The following RNF216 variants were observed in gnomAD, a reference collection of about 807,000 sequenced individuals.
RNF216 encodes the protein E3 ubiquitin-protein ligase RNF216.
Under a neutral mutation model 110.8 loss-of-function variants are expected in RNF216, and 72 were observed. That is an observed-to-expected ratio of 0.65 (90% confidence interval 0.54 to 0.79). The LOEUF is 0.79. Ranked by LOEUF, RNF216 falls within the 30% of genes least tolerant of loss-of-function variation. The pLI, the probability that RNF216 is intolerant of heterozygous loss-of-function variation, is 0.00. For synonymous variants in RNF216, 495 were observed against 407.5 expected, an observed-to-expected ratio of 1.21 and a Z score of -2.59; for missense variants, 1,342 against 1,141.2, an observed-to-expected ratio of 1.18 and a Z score of -2.54.
chr7:5,716,739 T>C lies in RNF216; in HGVS notation c.1672A>G (p.Met558Val). 1 of 1,606,936 alleles carries C rather than the reference T, an allele frequency of 6.2e-7. No individual in the cohort carries two copies. Among genetic ancestry groups the C allele is most frequent in the Non-Finnish European group, 8.5e-7 (1 of 1,176,222 alleles). ...ACCTTTTGATACTGTTCTTCATTCA[T>C]CTGTAGGGCAAGCAAAAAGTCTTCA... ...EHEDFLLALQMNEEQYQKDGQ... is the reference protein window; with the variant it reads ...EHEDFLLALQVNEEQYQKDGQ... The change falls in exon 10 of 17, where the codon ATG (methionine) becomes GTG (valine). Residue 558 changes from methionine to valine, a missense_variant. Transcript: ENST00000389902.
intron 13 of RNF216, among the ~76,000 whole-genome samples, chr7:5,664,690 G>C (rs758013906): frequency 6.6e-6 from 1 of 152,184 alleles, no homozygotes; most frequent in East Asian, 1.9e-4. Context: ...GCCGCCCAAG[G>C]GTAGGCTGCA....
In RNF216 at chr7:5,715,176, A is replaced by C. The variant is rs1209685930; in HGVS notation, c.1710T>G (p.Ile570Met). The C allele has an allele frequency of 1.4e-5, 23 of 1,613,242 alleles. No homozygotes were observed. Among genetic ancestry groups the C allele is most frequent in the Non-Finnish European group, 1.9e-5 (23 of 1,179,878 alleles). The change falls in exon 11 of 17, where the codon ATT becomes ATG. Residue 570 changes from isoleucine to methionine, a missense_variant. Physicochemically the swap from Ile to Met is conservative, Grantham distance 10. Coordinates refer to ENST00000389902, the MANE Select transcript of RNF216 (RefSeq NM_207111.4). Reference sequence around the variant, plus strand: ...ATTCCCCATAGCAGCAGCGACACTCAATCAGCTGGCCATCCTGCAGGCAGT... The same window carrying C: ...ATTCCCCATAGCAGCAGCGACACTCCATCAGCTGGCCATCCTGCAGGCAGT... ...EEQYQKDGQLIECRCCYGEFP... is the reference protein window; with the variant it reads ...EEQYQKDGQLMECRCCYGEFP...
chr7:5,764,518 T>C (rs1334467202), intron 1 of RNF216, among the ~76,000 whole-genome samples: 1 of 151,690 alleles, frequency 6.6e-6, no homozygotes, highest in Non-Finnish European at 1.5e-5. Flanking sequence ...TGTGGTGGCA[T>C]GCACCTGTAA....
chr7:5,759,110 G>A (rs1193493920), intron 2 of RNF216, among the ~76,000 whole-genome samples: 2 of 152,078 alleles, frequency 1.3e-5, no homozygotes, highest in African/African-American at 2.4e-5. Flanking sequence ...AAAAGTGTGT[G>A]GCACCTCTTC....
At chr7:5,687,284 T>A (rs1337029680) in intron 13 of RNF216, among the ~76,000 whole-genome samples, 1 of 149,506 alleles carries the variant, frequency 6.7e-6, no homozygotes, top group East Asian at 2.0e-4. Context: ...TAATCTCAGC[T>A]ACTTGGGAGG....
rs1274456706 is a variant in RNF216 at position 5,652,551 on chromosome 7, T to G, written c.2062-41A>C. Reference sequence around the variant, plus strand: ...AGACACAAAGACAACTCCTGGTGAGTGGACACCACAGAAGTTCCTGTTCAA... The same window carrying G: ...AGACACAAAGACAACTCCTGGTGAGGGGACACCACAGAAGTTCCTGTTCAA... On this transcript the variant is annotated intron_variant, in intron 13 of 16. Coordinates refer to ENST00000389902, the MANE Select transcript of RNF216 (RefSeq NM_207111.4). 3 of 1,330,080 alleles carry G rather than the reference T, an allele frequency of 2.3e-6. No homozygotes were observed. In the Admixed American group the frequency reaches 5.1e-5, roughly 22 times the overall value. The allele number at this position is 1,330,080 out of a possible 1,614,324, so 82.4% of individuals were successfully genotyped here. A position where few individuals can be genotyped will look rare whatever the true frequency, so the allele number is the denominator to read the frequency against.
At chr7:5,721,521 T>C (rs1990836) in intron 8 of RNF216, among the ~76,000 whole-genome samples, 125,093 of 152,238 alleles carry the variant, frequency 0.82, 53,262 homozygotes, top group Non-Finnish European at 0.92. Context: ...GCGCTGCTTA[T>C]AGCCATTTGT....
chr7:5,663,390 C>T (rs1789278735), intron 13 of RNF216, among the ~76,000 whole-genome samples: 1 of 151,898 alleles, frequency 6.6e-6, no homozygotes, highest in Non-Finnish European at 1.5e-5. Flanking sequence ...ACCATCCTGG[C>T]TAACACGGTG....
intron 3 of RNF216, among the ~76,000 whole-genome samples, chr7:5,745,809 G>T (rs1188846644): frequency 1.3e-5 from 2 of 150,770 alleles, no homozygotes; most frequent in Non-Finnish European, 2.9e-5. Flanking sequence ...GGCTGAGGCA[G>T]GATAATTGCT....
rs771396617 is a variant in RNF216 at position 5,721,051 on chromosome 7, T to C, written c.1626A>G (p.Lys542=). 6.2e-6 allele frequency: 10 copies of C among 1,614,092 alleles called. No individual in the cohort carries two copies. The Admixed American group carries it at 8.3e-5, about 13-fold the overall frequency. Residue 542 remains lysine, a synonymous_variant, in exon 9 of 17, where the codon AAA becomes AAG. Transcript: ENST00000389902. The stretch of plus-strand genomic sequence containing the variant: ...TTCCTACCTCTGCCATCTCTTTGAT[T>C]TTCTGCTCATAGAACTCCTGCTCTT... The part of the protein sequence containing the change: ...VQQEQEFYEQ[K]IKEMAEHEDF...
chr7:5,651,709 C>T (rs921916412), intron 14 of RNF216, among the ~76,000 whole-genome samples: 8 of 150,452 alleles, frequency 5.3e-5, no homozygotes, highest in Admixed American at 4.0e-4. Flanking sequence ...AGTGCACTGG[C>T]GCAATCTTGG....
At chr7:5,634,350 T>C (rs973933773) in intron 15 of RNF216, among the ~76,000 whole-genome samples, 24 of 152,246 alleles carry the variant, frequency 1.6e-4, no homozygotes, top group African/African-American at 5.5e-4. Flanking sequence ...TGGCCACAGC[T>C]GTTGTTAATA....
At chr7:5,641,100 A>C in intron 15 of RNF216, 54 bp downstream of exon 15, 1 of 1,363,578 alleles carries the variant, frequency 7.3e-7, no homozygotes, top group Non-Finnish European at 1.0e-6. Context: ...TTGTCATAAA[A>C]ATATATTTCT....
At chr7:5,780,903 T>C (rs947887382) in intron 1 of RNF216, among the ~76,000 whole-genome samples, 6 of 152,152 alleles carry the variant, frequency 3.9e-5, no homozygotes, top group Admixed American at 1.3e-4. Context: ...TCCCTGGTCC[T>C]GTTCCACCGG....
Position 5,641,276 on chromosome 7 carries a change from C to T in RNF216, c.2260G>A (p.Ala754Thr). ...ACTCGACAGAGGTAGCACATCTGGG[C>T]ACCACAGCGGCAAGACATGCGGTTG... is the stretch of plus-strand genomic sequence containing the variant. ...GCNRMSCRCG[A>T]QMCYLCRVSI... Residue 754 changes from alanine (A) to threonine (T), a missense_variant, in exon 15 of 17, where the codon GCC becomes ACC. Physicochemically the swap from Ala to Thr is moderately conservative, Grantham distance 58 (BLOSUM62 0). Coordinates refer to ENST00000389902, the MANE Select transcript of RNF216 (RefSeq NM_207111.4). 6.2e-7 allele frequency: 1 copy of T among 1,614,102 alleles called. No homozygotes were observed. Among genetic ancestry groups the T allele is most frequent in the Non-Finnish European group, 8.5e-7 (1 of 1,180,006 alleles).
At chr7:5,749,155 T>G (rs1353924850) in intron 3 of RNF216, among the ~76,000 whole-genome samples, 2 of 150,998 alleles carry the variant, frequency 1.3e-5, no homozygotes, top group Non-Finnish European at 3.0e-5. Flanking sequence ...ATGTATTTTT[T>G]TTTTTTTTTT....
At position 5,641,183 on chromosome 7, in the gene RNF216, A is replaced by G. The variant is rs907170222; in HGVS notation, c.2353T>C (p.Ser785Pro). Reference sequence around the variant, plus strand: ...GGATCGGTCCAGAGAGAGCATCTTGAACACTCCTGGCAAGGGGCTCCTGGT... The same window carrying G: ...GGATCGGTCCAGAGAGAGCATCTTGGACACTCCTGGCAAGGGGCTCCTGGT... Reference protein sequence around the residue: ...RSPGAPCQECSRCSLWTDPTE... With the variant: ...RSPGAPCQECPRCSLWTDPTE... Residue 785 changes from serine (S) to proline (P), a missense_variant, in exon 15 of 17, where the codon TCA (serine) becomes CCA (proline). Coordinates refer to ENST00000389902, the MANE Select transcript of RNF216 (RefSeq NM_207111.4). 3.8e-5 allele frequency: 62 copies of G among 1,614,044 alleles called. No homozygotes were observed. Among genetic ancestry groups the G allele is most frequent in the Admixed American group, 1.0e-4 (6 of 59,996 alleles).
chr7:5,715,601 G>T (rs1268159102), intron 10 of RNF216, among the ~76,000 whole-genome samples: 1 of 45,270 alleles, frequency 2.2e-5, no homozygotes. Flanking sequence ...TAAGGAGTGT[G>T]AATGGGTCTA....
Position 5,746,890 on chromosome 7 carries a change from C to T in RNF216, c.202-5075G>A, listed in dbSNP as rs116912092. ...TTGAATCCTAAGACTCCAAATTACA[C>T]GGAGAGAACGAGATTCTTACTGGCA... On this transcript the variant is annotated intron_variant, in intron 3 of 16. Transcript: ENST00000389902. 5.0e-4 allele frequency among the ~76,000 whole-genome samples: 76 copies of T among 152,214 alleles called. 1 individual carries two copies. In the East Asian group the frequency reaches 0.011, roughly 23 times the overall value.
Sources: allele counts gnomAD v4.1 joint callset (sites outside exome capture counted in the v4.1 genomes callset), GRCh38; gene constraint gnomAD v4.1.1; transcripts MANE v1.5; gene names NCBI Gene and HGNC (gene_info 2026-07-23, HGNC 2026-07-21).